RPL23A: variants seen among roughly 807,000 people sequenced by gnomAD.
RPL23A encodes large ribosomal subunit protein uL23.
RPL23A carries 2 observed loss-of-function variants against 17.6 expected under a neutral mutation model. The ratio of observed to expected loss-of-function variants is 0.11; its 90% CI spans 0.05 to 0.36. The LOEUF (loss-of-function observed/expected upper bound fraction) is 0.36, where lower values mean the gene tolerates loss of function less well. Among genes scored for constraint, RPL23A ranks in the 10% least tolerant of loss-of-function variants. The probability of loss-of-function intolerance (pLI) is 1.00; values close to 1 mark genes in which losing one functional copy is unlikely to be tolerated. For missense variants in RPL23A, 132 were observed against 194.4 expected (o/e 0.68, Z 1.91); for synonymous variants, 65 against 74.3 (o/e 0.87, Z 0.65).
rs1418983387 is a variant in RPL23A at position 28,723,165 on chromosome 17, TC to T, written c.386+268del. ...GGACCTTTCAGCAGGGGAAAAAGGT[TC>T]CTTGACTTAAACTTGGTGTAGGTTT... On this transcript the variant is annotated intron_variant, in intron 3 of 4. Coordinates refer to ENST00000422514, the MANE Select transcript of RPL23A (RefSeq NM_000984.6). 2.6e-5 allele frequency: 14 copies of T among 533,344 alleles called. No homozygotes were observed. In the African/African-American group the frequency reaches 2.7e-4, roughly 10 times the overall value. The allele number at this position is 533,344 out of a possible 1,614,324, so 33.0% of individuals were successfully genotyped here. A position where few individuals can be genotyped will look rare whatever the true frequency, so the allele number is the denominator to read the frequency against.
At chr17:28,720,238 C>G in intron 1 of RPL23A, 2 of 1,538,338 alleles carry the variant, frequency 1.3e-6, no homozygotes, top group Non-Finnish European at 1.8e-6. Context: ...GGGGGGGCAA[C>G]GCGGCAGGCA....
In RPL23A at chr17:28,722,731, A is replaced by G. The variant is rs143132190; in HGVS notation, c.218A>G (p.His73Arg). The change falls in exon 3 of 5, where the codon CAC (histidine) becomes CGC (arginine). Residue 73 changes from histidine to arginine, a missense_variant. Coordinates refer to ENST00000422514, the MANE Select transcript of RPL23A (RefSeq NM_000984.6). The part of the protein sequence containing the change: ...KSAPRRNKLD[H>R]YAIIKFPLTT... ...CATTTTGCCTCTCCCAGGCTTGACCACTATGCTATCATCAAGTTTCCGCTG... is the reference window on the plus strand; with the variant it reads ...CATTTTGCCTCTCCCAGGCTTGACCGCTATGCTATCATCAAGTTTCCGCTG... The G allele has an allele frequency of 3.1e-6, 5 of 1,613,990 alleles. No homozygotes were observed. The African/African-American group carries it at 4.0e-5, about 13-fold the overall frequency.
chr17:28,723,254 G>A (rs2034148619), intron 3 of RPL23A: 1 of 554,628 alleles, frequency 1.8e-6, no homozygotes, highest in Non-Finnish European at 3.3e-6. Flanking sequence ...CCTTTGTGTG[G>A]ACCTGAGGCT....
intron 1 of RPL23A, 147 bp from the exon 2 acceptor site, chr17:28,720,560 T>C (rs774749047): frequency 7.2e-7 from 1 of 1,388,800 alleles, no homozygotes. Flanking sequence ...GTGCATATGA[T>C]GGAAAAGTTT....
At position 28,722,804 on chromosome 17, in the gene RPL23A, G is replaced by T. The variant is rs1253384616; in HGVS notation, c.291G>T (p.Val97=). Reference sequence around the variant, plus strand: ...AGATAGAAGACAACAACACACTTGTGTTCATTGTGGATGTTAAAGCCAACA... The same window carrying T: ...AGATAGAAGACAACAACACACTTGTTTTCATTGTGGATGTTAAAGCCAACA... ...MKKIEDNNTL[V]FIVDVKANKH... The change falls in exon 3 of 5, where the codon GTG becomes GTT. Residue 97 remains valine, a synonymous_variant. Coordinates refer to ENST00000422514, the MANE Select transcript of RPL23A (RefSeq NM_000984.6). The T allele has an allele frequency of 6.2e-7, 1 of 1,613,214 alleles. No individual in the cohort carries two copies. Among genetic ancestry groups the T allele is most frequent in the Non-Finnish European group, 8.5e-7 (1 of 1,179,208 alleles).
rs2034172425 is a variant in RPL23A at position 28,724,357 on chromosome 17, G to C, written c.*476G>C. 6 of 990,346 alleles carry C rather than the reference G, an allele frequency of 6.1e-6. No individual in the cohort carries two copies. In the East Asian group the frequency reaches 1.4e-4, roughly 24 times the overall value. The allele number at this position is 990,346 out of a possible 1,614,324, so 61.3% of individuals were successfully genotyped here. On this transcript the variant is annotated 3_prime_UTR_variant, in exon 5 of 5. Transcript: ENST00000422514. ...AATAAAGGACAAGGACTTCAGAGGA[G>C]TACTTTCATTAGTGTTTTCAATAGT...
rs1410102342 is a variant in RPL23A, at chr17:28,723,958, C to T, written c.*77C>T. The stretch of plus-strand genomic sequence containing the variant: ...CATATACATGCCTGTCTGTCAATTT[C>T]TGGTTGGGCTGGGAGGCCACACACA... On this transcript the variant is annotated 3_prime_UTR_variant, in exon 5 of 5. Coordinates refer to ENST00000422514, the MANE Select transcript of RPL23A (RefSeq NM_000984.6). 1.0e-5 allele frequency: 11 copies of T among 1,083,320 alleles called. No homozygotes were observed. Among genetic ancestry groups the T allele is most frequent in the Non-Finnish European group, 1.3e-5 (10 of 755,908 alleles). 67.1% of individuals were successfully genotyped at this position (1,083,320 alleles called of 1,614,324 possible).
intron 1 of RPL23A, 95 bp from the exon 2 acceptor site, chr17:28,720,612 T>C (rs2034097729): frequency 7.1e-7 from 1 of 1,416,278 alleles, no homozygotes. Flanking sequence ...GAACCACTGA[T>C]GCACCTGTGG....
chr17:28,722,346 T>G, intron 2 of RPL23A: 1 of 350,130 alleles, frequency 2.9e-6, no homozygotes. Context: ...GACCAGCTAA[T>G]TTTTGTATTT....
At chr17:28,721,201 A>T (rs988691329) in intron 2 of RPL23A, 1 of 257,136 alleles carries the variant, frequency 3.9e-6, no homozygotes, top group Non-Finnish European at 7.7e-6. Context: ...AAAAATAGAA[A>T]ATTCGCCGGG....
At chr17:28,722,142 C>G (rs2034125962) in intron 2 of RPL23A, among the ~76,000 whole-genome samples, 1 of 151,778 alleles carries the variant, frequency 6.6e-6, no homozygotes, top group Non-Finnish European at 1.5e-5. Context: ...ACTACTGAGT[C>G]CCAGGCTGAA....
Position 28,723,741 on chromosome 17 carries a change from AACTG to A in RPL23A, c.456+106_456+109del, listed in dbSNP as rs745358234. ...TGATCTTTGCTGATTAGTCATAATT[AACTG>A]ACTGCACCCCTATCCTTGACAAACC... On this transcript the variant is annotated intron_variant, in intron 4 of 4. Coordinates refer to ENST00000422514, the MANE Select transcript of RPL23A (RefSeq NM_000984.6). 6.5e-5 allele frequency: 88 copies of A among 1,356,392 alleles called. No individual in the cohort carries two copies. In the South Asian group the frequency reaches 9.2e-4, roughly 14 times the overall value. The allele number at this position is 1,356,392 out of a possible 1,614,324, so 84.0% of individuals were successfully genotyped here.
intron 1 of RPL23A, chr17:28,720,300 A>G (rs1425880010): frequency 6.5e-7 from 1 of 1,550,148 alleles, no homozygotes; most frequent in South Asian, 1.2e-5. Flanking sequence ...ACATGCATCC[A>G]CTGGTTGGAG....
chr17:28,720,510 C>T (rs376487901), intron 1 of RPL23A, 197 bp from the exon 2 acceptor site: 8 of 1,541,526 alleles, frequency 5.2e-6, no homozygotes, highest in African/African-American at 4.1e-5. Flanking sequence ...AGTCGTATCC[C>T]TGGAGTTACT....
intron 4 of RPL23A, 77 bp from the exon 5 acceptor site, chr17:28,723,790 T>A (rs1179844686): frequency 3.4e-6 from 5 of 1,452,778 alleles, no homozygotes; most frequent in African/African-American, 1.4e-5. Flanking sequence ...CATTCCTCAT[T>A]TTGCTTTCTA....
At chr17:28,722,484 G>A (rs2034133228) in intron 2 of RPL23A, 2 of 648,616 alleles carry the variant, frequency 3.1e-6, no homozygotes, top group South Asian at 1.4e-5. Context: ...GCCCAGAGAT[G>A]ATTCTTTAAT....
intron 3 of RPL23A, 105 bp from the exon 4 acceptor site, chr17:28,723,466 A>C (rs763587034): frequency 1.2e-6 from 1 of 842,042 alleles, no homozygotes; most frequent in Admixed American, 1.7e-5. Context: ...GAAAAGAATG[A>C]CATGAACAAA....
intron 2 of RPL23A, 104 bp from the exon 3 acceptor site, chr17:28,722,618 GA>G: frequency 2.1e-6 from 2 of 973,702 alleles, no homozygotes. Flanking sequence ...ACCAAAGTCT[GA>G]ACAAAGTGAT....
intron 1 of RPL23A, chr17:28,720,446 G>T (rs763272568): frequency 1.2e-6 from 2 of 1,611,754 alleles, no homozygotes; most frequent in African/African-American, 2.7e-5. Context: ...TGTAAAATTC[G>T]TAGGACATTT....
Sources: allele counts gnomAD v4.1 joint callset (sites outside exome capture counted in the v4.1 genomes callset), GRCh38; gene constraint gnomAD v4.1.1; transcripts MANE v1.5; gene names NCBI Gene and HGNC (gene_info 2026-07-23, HGNC 2026-07-21).